Variants in ERBB4 observed in about 807,000 individuals in gnomAD.
ERBB4 encodes receptor tyrosine-protein kinase erbB-4.
Under a neutral mutation model 158.0 loss-of-function variants are expected in ERBB4, and 42 were observed. That is an observed-to-expected ratio of 0.27 (90% CI 0.21 to 0.34). The LOEUF (loss-of-function observed/expected upper bound fraction) is 0.34, where lower values mean the gene tolerates loss of function less well. Among genes scored for constraint, ERBB4 ranks in the 10% least tolerant of loss-of-function variants. The probability of loss-of-function intolerance (pLI) is 1.00; values close to 1 mark genes in which losing one functional copy is unlikely to be tolerated. For missense variants in ERBB4, 1,333 were observed against 1,624.1 expected (o/e 0.82, Z 3.08); for synonymous variants, 583 against 558.7 (o/e 1.04, Z -0.61).
chr2:211,527,438 A>C (rs2066379395), intron 20 of ERBB4, among the ~76,000 whole-genome samples: 1 of 152,142 alleles, frequency 6.6e-6, no homozygotes, highest in Non-Finnish European at 1.5e-5. Context: ...CTGTCCTACA[A>C]GAAATGGTAA....
Position 211,388,008 on chromosome 2 carries a change from A to C in ERBB4, c.3136-16T>G, listed in dbSNP as rs781089797. 3 of 1,578,948 alleles carry C rather than the reference A, an allele frequency of 1.9e-6. No homozygotes were observed. In the South Asian group the frequency reaches 3.3e-5, roughly 17 times the overall value. ...CAATTTCACTCTAATAGGAAAGAAA[A>C]ATGGAATGATGGATATAATAAGAGG... On this transcript the variant is annotated splice_polypyrimidine_tract_variant and intron_variant, in intron 25 of 27. Coordinates refer to ENST00000342788, the MANE Select transcript of ERBB4 (RefSeq NM_005235.3).
rs1241785784 is a variant in ERBB4, at chr2:212,258,435, C to T, written c.83-133532G>A. On this transcript the variant is annotated intron_variant, in intron 1 of 27. Transcript: ENST00000342788. ...GTCCACTGTCTCAGTTAGAACTGCG[C>T]ATCAAATGATAAACAGTTTACTTTC... Among the ~76,000 whole-genome samples the T allele has an allele frequency of 3.3e-5, 5 of 151,482 alleles. No homozygotes were observed. In the East Asian group the frequency reaches 7.7e-4, roughly 23 times the overall value.
At chr2:211,701,884 T>C in intron 12 of ERBB4, 83 bp downstream of exon 12, 3 of 1,019,910 alleles carry the variant, frequency 2.9e-6, no homozygotes, top group East Asian at 2.4e-5. Flanking sequence ...TCTGACCGGA[T>C]GTTATTTTTA....
intron 19 of ERBB4, among the ~76,000 whole-genome samples, 176 bp downstream of exon 19, chr2:211,619,001 T>C (rs1337745303): frequency 1.3e-5 from 2 of 152,122 alleles, no homozygotes; most frequent in Non-Finnish European, 2.9e-5. Context: ...GCAAAAGTGA[T>C]CTAAAAAGTA....
At chr2:211,955,898 TTTTTC>T (rs1381379227) in intron 2 of ERBB4, among the ~76,000 whole-genome samples, 1 of 152,086 alleles carries the variant, frequency 6.6e-6, no homozygotes, top group Non-Finnish European at 1.5e-5. Flanking sequence ...TTGTCTAAAG[TTTTTC>T]TTTTAACAGA....
At chr2:211,942,496 G>A (rs1441460672) in intron 3 of ERBB4, among the ~76,000 whole-genome samples, 8 of 152,016 alleles carry the variant, frequency 5.3e-5, no homozygotes, top group South Asian at 4.1e-4. Context: ...AGCTGGGACC[G>A]CAGGCATGTG....
At chr2:211,790,553 A>G (rs528226352) in intron 3 of ERBB4, among the ~76,000 whole-genome samples, 1 of 152,184 alleles carries the variant, frequency 6.6e-6, no homozygotes, top group Admixed American at 6.6e-5. Flanking sequence ...TTTCTTAGAA[A>G]TAGTCTGTTC....
intron 1 of ERBB4, among the ~76,000 whole-genome samples, chr2:212,152,281 GTTA>G (rs985575278): frequency 5.9e-5 from 9 of 152,072 alleles, no homozygotes; most frequent in African/African-American, 2.2e-4. Context: ...ATAAAAGGGA[GTTA>G]TTAATAATGC....
At chr2:212,200,990 C>T (rs1236716222) in intron 1 of ERBB4, among the ~76,000 whole-genome samples, 7 of 152,126 alleles carry the variant, frequency 4.6e-5, no homozygotes, top group Non-Finnish European at 8.8e-5. Context: ...TTGTGAAAAA[C>T]ATTTCCAGGA....
rs111478579 is a variant in ERBB4 at position 212,132,345 on chromosome 2, G to C, written c.83-7442C>G. 6.9e-3 allele frequency among the ~76,000 whole-genome samples: 1,056 copies of C among 152,226 alleles called. 7 individuals carry two copies. Among genetic ancestry groups the C allele is most frequent in the Middle Eastern group, 0.024 (7 of 294 alleles). On this transcript the variant is annotated intron_variant, in intron 1 of 27. Transcript: ENST00000342788. Reference sequence around the variant, plus strand: ...TGATGGTTAATTTTATATGTCACTTGATTGGGCCACAGCATGCCCAGAATG... The same window carrying C: ...TGATGGTTAATTTTATATGTCACTTCATTGGGCCACAGCATGCCCAGAATG...
intron 20 of ERBB4, among the ~76,000 whole-genome samples, chr2:211,534,567 A>C (rs1193356444): frequency 6.6e-6 from 1 of 152,072 alleles, no homozygotes; most frequent in Admixed American, 6.5e-5. Flanking sequence ...TTGTTACACT[A>C]TCTTTAGTGG....
intron 11 of ERBB4, 151 bp downstream of exon 11, chr2:211,703,953 T>A: frequency 1.5e-6 from 1 of 683,840 alleles, no homozygotes; most frequent in South Asian, 1.6e-5. Flanking sequence ...TCATCGGAGG[T>A]ATTTTTATTG....
At chr2:211,886,985 C>T (rs901815898) in intron 3 of ERBB4, among the ~76,000 whole-genome samples, 1 of 152,140 alleles carries the variant, frequency 6.6e-6, no homozygotes, top group African/African-American at 2.4e-5. Context: ...TTCTCTGCAC[C>T]TTCAAACTTA....
chr2:212,524,215 C>T (rs1267447098), intron 1 of ERBB4, among the ~76,000 whole-genome samples: 2 of 151,822 alleles, frequency 1.3e-5, no homozygotes, highest in African/African-American at 4.8e-5. Context: ...ATTAAGCTGA[C>T]GTTCATAATT....
intron 1 of ERBB4, among the ~76,000 whole-genome samples, chr2:212,452,787 T>G (rs1037845163): frequency 1.2e-4 from 19 of 152,150 alleles, no homozygotes; most frequent in African/African-American, 4.6e-4. Context: ...ACAGTGCTTA[T>G]CTACATACTA....
intron 2 of ERBB4, among the ~76,000 whole-genome samples, chr2:211,976,687 AATG>A (rs1172238036): frequency 3.3e-5 from 5 of 152,108 alleles, no homozygotes; most frequent in South Asian, 2.1e-4. Flanking sequence ...TCATCTTGTC[AATG>A]ATATCAAATA....
chr2:211,959,341 A>G (rs1280815150), intron 2 of ERBB4, among the ~76,000 whole-genome samples: 1 of 152,150 alleles, frequency 6.6e-6, no homozygotes, highest in African/African-American at 2.4e-5. Context: ...GCTTGCCAAG[A>G]AAGATTTACA....
intron 20 of ERBB4, among the ~76,000 whole-genome samples, chr2:211,465,331 G>A (rs1296149846): frequency 6.6e-6 from 1 of 150,458 alleles, no homozygotes; most frequent in Non-Finnish European, 1.5e-5. Flanking sequence ...GCTGAGTCCA[G>A]TCAATCACAG....
chr2:212,392,623 G>C (rs889701521), intron 1 of ERBB4, among the ~76,000 whole-genome samples: 1 of 152,002 alleles, frequency 6.6e-6, no homozygotes, highest in African/African-American at 2.4e-5. Flanking sequence ...AATGTCATTC[G>C]ATATTAAGCT....
Sources: gnomAD v4.1 joint callset for allele counts (sites outside exome capture counted in the v4.1 genomes callset) on GRCh38, gnomAD v4.1.1 for gene constraint, MANE v1.5 for transcripts, NCBI Gene and HGNC (gene_info 2026-07-23, HGNC 2026-07-21) for gene names.